HMBOX1: variants seen among roughly 807,000 people sequenced by gnomAD.
The protein encoded by HMBOX1 is homeobox containing 1, also known as homeobox-containing protein 1.
A neutral mutation model predicts 54.5 loss-of-function variants in HMBOX1; 14 were observed. The ratio of observed to expected loss-of-function variants is 0.26; its 90% confidence interval spans 0.17 to 0.40. HMBOX1 has a LOEUF of 0.40. Ranked by LOEUF, HMBOX1 falls within the 10% of genes least tolerant of loss-of-function variation. The pLI is 1.00. For synonymous variants in HMBOX1, 160 were observed against 181.0 expected, an observed-to-expected ratio of 0.88 and a Z score of 0.93; for missense variants, 332 against 514.4, an observed-to-expected ratio of 0.65 and a Z score of 3.43.
chr8:28,984,062 C>G (rs1428544472), intron 4 of HMBOX1, among the ~76,000 whole-genome samples: 1 of 152,154 alleles, frequency 6.6e-6, no homozygotes, highest in Non-Finnish European at 1.5e-5. Flanking sequence ...AAAGCCTTGT[C>G]CTCGTAATTG....
intron 4 of HMBOX1, among the ~76,000 whole-genome samples, chr8:28,996,282 TTATA>T (rs753989882): frequency 8.4e-6 from 1 of 119,540 alleles, no homozygotes; most frequent in Non-Finnish European, 2.0e-5. Flanking sequence ...GTTGAATTCT[TTATA>T]TAAGTTCACG....
chr8:28,892,653 T>C, intron 1 of HMBOX1, among the ~76,000 whole-genome samples: 1 of 152,170 alleles, frequency 6.6e-6, no homozygotes. Context: ...TAACCATTGA[T>C]TTAAAATTTT....
chr8:28,994,817 G>A lies in HMBOX1; in HGVS notation c.587-14255G>A, dbSNP rs533936138. Among the ~76,000 whole-genome samples the A allele has an allele frequency of 1.0e-3, 159 of 152,162 alleles. 1 individual carries two copies. Among genetic ancestry groups the A allele is most frequent in the African/African-American group, 3.7e-3 (155 of 41,508 alleles). ...CAAGGGATAGCAGTGTGTAACTTAT[G>A]CAAGACAAAATATAAATGGCCAATA... On this transcript the variant is annotated intron_variant, in intron 4 of 9. Transcript: ENST00000287701.
At chr8:29,004,209 A>C (rs929907932) in intron 4 of HMBOX1, among the ~76,000 whole-genome samples, 1 of 152,210 alleles carries the variant, frequency 6.6e-6, no homozygotes, top group Non-Finnish European at 1.5e-5. Flanking sequence ...GGTTTGAAAG[A>C]ATGGTCTGGT....
At chr8:28,971,135 A>T (rs2132358525) in intron 3 of HMBOX1, among the ~76,000 whole-genome samples, 1 of 134,092 alleles carries the variant, frequency 7.5e-6, no homozygotes, top group Non-Finnish European at 1.5e-5. Flanking sequence ...CTGTATGCCC[A>T]GGCTGGAGTG....
chr8:28,906,009 CTGACTCATTGCCTAATAAAAGTGA>C (rs1455886376), intron 1 of HMBOX1, among the ~76,000 whole-genome samples: 21 of 152,276 alleles, frequency 1.4e-4, no homozygotes, highest in African/African-American at 5.1e-4. Context: ...TTTATGCAGG[CTGACTCATTGCCTAATAAAAGTGA>C]TGTTATTTAG....
At chr8:28,905,247 T>C (rs1390353556) in intron 1 of HMBOX1, among the ~76,000 whole-genome samples, 1 of 152,174 alleles carries the variant, frequency 6.6e-6, no homozygotes, top group Non-Finnish European at 1.5e-5. Flanking sequence ...TTGTTGTTGT[T>C]GAAAAGAATT....
intron 3 of HMBOX1, among the ~76,000 whole-genome samples, chr8:28,971,134 C>G (rs1439071846): frequency 6.9e-6 from 1 of 144,074 alleles, no homozygotes; most frequent in Middle Eastern, 3.7e-3. Context: ...TCTGTATGCC[C>G]AGGCTGGAGT....
intron 8 of HMBOX1, among the ~76,000 whole-genome samples, chr8:29,048,108 T>A (rs1455314897): frequency 6.6e-6 from 1 of 152,224 alleles, no homozygotes; most frequent in African/African-American, 2.4e-5. Context: ...TACCCAGAAT[T>A]TCTTCATTAT....
At chr8:29,015,836 G>A (rs1834915166) in intron 5 of HMBOX1, among the ~76,000 whole-genome samples, 3 of 152,246 alleles carry the variant, frequency 2.0e-5, no homozygotes, top group African/African-American at 7.2e-5. Flanking sequence ...CAGCTCTTCT[G>A]CTCCAGTGCA....
intron 1 of HMBOX1, among the ~76,000 whole-genome samples, chr8:28,898,195 G>C (rs182845514): frequency 1.3e-5 from 2 of 151,816 alleles, no homozygotes; most frequent in Non-Finnish European, 2.9e-5. Flanking sequence ...GTCTTCTCTG[G>C]GTTTGAGACA....
At chr8:29,006,102 C>T (rs950694329) in intron 4 of HMBOX1, among the ~76,000 whole-genome samples, 1 of 150,730 alleles carries the variant, frequency 6.6e-6, no homozygotes, top group Non-Finnish European at 1.5e-5. Flanking sequence ...AAGCAATTCT[C>T]CTGCCTCAGC....
rs80347032 is a variant in HMBOX1 at position 28,905,340 on chromosome 8, C to T, written c.-58+14662C>T. On this transcript the variant is annotated intron_variant, in intron 1 of 9. Transcript: ENST00000287701. ...ACAAAAAACCAGGCGCGCGTGCATG[C>T]GCACACACACGCACGCACACACACA... 7.2e-3 allele frequency among the ~76,000 whole-genome samples: 1,092 copies of T among 152,114 alleles called. 15 individuals carry two copies. The highest frequency in any genetic ancestry group is 0.025 in the African/African-American group (1,049 of 41,518).
Position 29,030,576 on chromosome 8 carries a change from CCTT to C in HMBOX1, c.851+11665_851+11667del, listed in dbSNP as rs201430970. Among the ~76,000 whole-genome samples the C allele has an allele frequency of 9.9e-5, 15 of 152,226 alleles. No individual in the cohort carries two copies. The East Asian group carries it at 2.9e-3, about 29-fold the overall frequency. The stretch of plus-strand genomic sequence containing the variant: ...AATGTTATGTAATTTCTTAAAATGT[CCTT>C]CAAGTTATTAAAATTATATCACTCT... On this transcript the variant is annotated intron_variant, in intron 6 of 9. Coordinates refer to ENST00000287701, the MANE Select transcript of HMBOX1 (RefSeq NM_001135726.3).
intron 2 of HMBOX1, among the ~76,000 whole-genome samples, chr8:28,965,728 G>A (rs1005710559): frequency 6.6e-6 from 1 of 152,192 alleles, no homozygotes; most frequent in Admixed American, 6.5e-5. Context: ...TGGAGAAGCT[G>A]CTGACAGAGA....
intron 1 of HMBOX1, among the ~76,000 whole-genome samples, chr8:28,935,639 TAGAG>T (rs1267371531): frequency 1.3e-5 from 2 of 152,150 alleles, no homozygotes; most frequent in African/African-American, 2.4e-5. Flanking sequence ...CCAAGTTTCT[TAGAG>T]AGAAACCAAA....
At chr8:28,894,633 C>T (rs1431960130) in intron 1 of HMBOX1, among the ~76,000 whole-genome samples, 12 of 152,120 alleles carry the variant, frequency 7.9e-5, no homozygotes, top group Non-Finnish European at 1.6e-4. Flanking sequence ...CCATCATAGG[C>T]GCAGAGTAAA....
chr8:28,962,113 T>C (rs939202561), intron 1 of HMBOX1, among the ~76,000 whole-genome samples: 1 of 152,058 alleles, frequency 6.6e-6, no homozygotes, highest in Non-Finnish European at 1.5e-5. Flanking sequence ...TAGTTCCTGA[T>C]CTGTTTTTAA....
At chr8:28,919,401 T>G (rs1293586803) in intron 1 of HMBOX1, among the ~76,000 whole-genome samples, 1 of 152,252 alleles carries the variant, frequency 6.6e-6, no homozygotes, top group Non-Finnish European at 1.5e-5. Context: ...CTGCATAAAA[T>G]GATTCGGGAA....
Sources: gnomAD v4.1 joint callset for allele counts (sites outside exome capture counted in the v4.1 genomes callset) on GRCh38, gnomAD v4.1.1 for gene constraint, MANE v1.5 for transcripts, NCBI Gene and HGNC (gene_info 2026-07-23, HGNC 2026-07-21) for gene names.